PSD: variants seen among roughly 807,000 people sequenced by gnomAD.
The protein encoded by PSD is pleckstrin and Sec7 domain containing, also known as PH and SEC7 domain-containing protein 1.
Under a neutral mutation model 91.6 loss-of-function variants are expected in PSD, and 32 were observed. The ratio of observed to expected loss-of-function variants is 0.35; its 90% CI spans 0.26 to 0.47. The LOEUF (loss-of-function observed/expected upper bound fraction) is 0.47, where lower values mean the gene tolerates loss of function less well. PSD is among the 20% of genes least tolerant of loss of function. The pLI is 1.00. For synonymous variants in PSD, 532 were observed against 569.3 expected (o/e 0.93, Z 0.93); for missense variants, 1,099 against 1,373.9 (o/e 0.80, Z 3.16).
At chr10:102,413,677 A>C in intron 5 of PSD, 92 bp downstream of exon 5, 1 of 1,354,340 alleles carries the variant, frequency 7.4e-7, no homozygotes, top group South Asian at 1.4e-5. Context: ...CAGGAATATA[A>C]ACCAATCCTC....
rs1589887924 is a variant in PSD, at chr10:102,410,755, T to G, written c.2091+103A>C. 1.6e-5 allele frequency: 14 copies of G among 901,736 alleles called. No individual in the cohort carries two copies. Among genetic ancestry groups the G allele is most frequent in the South Asian group, 1.4e-5 (1 of 70,130 alleles). 55.9% of individuals were successfully genotyped at this position (901,736 alleles called of 1,614,324 possible). ...GGGCTTCCGTGGCAGGAGCCGGGGG[T>G]CGGCAAGCCCCAGCCCTGCCCTCCC... On this transcript the variant is annotated intron_variant, in intron 10 of 16. Coordinates refer to ENST00000020673, the MANE Select transcript of PSD (RefSeq NM_002779.5). The surrounding 1 kb of genome is among the most constrained non-coding windows in gnomAD (Gnocchi z 6.0).
chr10:102,415,044 T>C lies in PSD; in HGVS notation c.943A>G (p.Ile315Val). Reference protein sequence around the residue: ...LAEREEADSAIESQPSSEGPP... With the variant: ...LAEREEADSAVESQPSSEGPP... ...CCCTCAGAGCTGGGCTGACTTTCGA[T>C]GGCCGAGTCGGCCTCCTCCCGCTCA... Residue 315 changes from isoleucine (I) to valine (V), a missense_variant, in exon 4 of 17, where the codon ATC becomes GTC. Ile to Val is a conservative substitution (Grantham distance 29, BLOSUM62 3). Around this residue, in one of 3 missense-constraint regions of PSD, gnomAD observed 631 missense variants for 728.8 expected, o/e 0.87. Coordinates refer to ENST00000020673, the MANE Select transcript of PSD (RefSeq NM_002779.5). 1 of 1,613,916 alleles carries C rather than the reference T, an allele frequency of 6.2e-7. No individual in the cohort carries two copies. Among genetic ancestry groups the C allele is most frequent in the East Asian group, 2.2e-5 (1 of 44,888 alleles).
Position 102,402,819 on chromosome 10 carries a change from C to T in PSD, c.*381G>A, listed in dbSNP as rs2061294456. The stretch of plus-strand genomic sequence containing the variant: ...CCAGCTCAGCCCCAAATCCTGGTCT[C>T]TGTCCAAGCCAGGCCCCAGGACAGA... On this transcript the variant is annotated 3_prime_UTR_variant, in exon 17 of 17. Coordinates refer to ENST00000020673, the MANE Select transcript of PSD (RefSeq NM_002779.5). 4.0e-6 allele frequency: 1 copy of T among 247,098 alleles called. No individual in the cohort carries two copies. 15.3% of individuals were successfully genotyped at this position (247,098 alleles called of 1,614,324 possible).
In PSD at chr10:102,414,830, T is replaced by TCTCCCACTTCCCC. The variant is rs780270442; in HGVS notation, c.1124+20_1124+32dup. ...AGTGCGAAGGAGCAAGCCGCTTCCC[T>TCTCCCACTTCCCC]CTCCCACTTCCCCCTCCCACTTCCC... On this transcript the variant is annotated intron_variant, in intron 4 of 16. Transcript: ENST00000020673. This position sits in a 1 kb window ranked among gnomAD's most constrained non-coding sequence, Gnocchi z 5.6. 12 of 1,486,118 alleles carry TCTCCCACTTCCCC rather than the reference T, an allele frequency of 8.1e-6. No homozygotes were observed. In the East Asian group the frequency reaches 1.1e-4, roughly 14 times the overall value. 92.1% of individuals were successfully genotyped at this position (1,486,118 alleles called of 1,614,324 possible).
rs745631653 is a variant in PSD, at chr10:102,416,153, A to T, written c.655-34T>A. The T allele has an allele frequency of 2.6e-6, 4 of 1,512,462 alleles. No individual in the cohort carries two copies. The highest frequency in any genetic ancestry group is 3.7e-6 in the Non-Finnish European group (4 of 1,094,202). 93.7% of individuals were successfully genotyped at this position (1,512,462 alleles called of 1,614,324 possible). ...ACGAGGGAGACACAGGCACCCAGAG[A>T]TAAAGCCAGACATACAAGGACACAA... On this transcript the variant is annotated intron_variant, in intron 2 of 16. Coordinates refer to ENST00000020673, the MANE Select transcript of PSD (RefSeq NM_002779.5). The surrounding 1 kb of genome is among the most constrained non-coding windows in gnomAD (Gnocchi z 6.0).
In PSD at chr10:102,403,414, G is replaced by A; in HGVS notation, c.2861C>T (p.Thr954Ile). The A allele has an allele frequency of 1.9e-6, 3 of 1,609,826 alleles. No individual in the cohort carries two copies. Among genetic ancestry groups the A allele is most frequent in the Non-Finnish European group, 2.5e-6 (3 of 1,178,552 alleles). The change falls in exon 17 of 17, where the codon ACC (threonine) becomes ATC (isoleucine). Residue 954 changes from threonine to isoleucine, a missense_variant. Transcript: ENST00000020673. The surrounding 1 kb of genome is among the most constrained non-coding windows in gnomAD (Gnocchi z 6.7). Reference sequence around the variant, plus strand: ...CTTGACCCGAAGCAGCGCTGCATAGGTGCTGTAGCGGGATTTCTGAGGCAG... The same window carrying A: ...CTTGACCCGAAGCAGCGCTGCATAGATGCTGTAGCGGGATTTCTGAGGCAG... ...YLEFEKSRYS[T>I]YAALLRVKLK...
In PSD at chr10:102,405,053, C is replaced by T. The variant is rs1181680557; in HGVS notation, c.2400G>A (p.Glu800=). 2 of 1,613,894 alleles carry T rather than the reference C, an allele frequency of 1.2e-6. No individual in the cohort carries two copies. The highest frequency in any genetic ancestry group is 1.7e-6 in the Non-Finnish European group (2 of 1,179,882). The part of the protein sequence containing the change: ...LKGMILYLQK[E]EYKPGKALSE... ...AAAGGGCCTTCCCAGGCTTGTACTC[C>T]TCCTGCAGGGGTGTCCATCTTGTCC... Residue 800 remains glutamate (E), a splice_region_variant and synonymous_variant, in exon 14 of 17, where the codon GAG becomes GAA. Transcript: ENST00000020673. The surrounding 1 kb of genome is among the most constrained non-coding windows in gnomAD (Gnocchi z 5.4).
chr10:102,409,235 G>A lies in PSD; in HGVS notation c.2091+1623C>T. 1 of 984,224 alleles carries A rather than the reference G, an allele frequency of 1.0e-6. No individual in the cohort carries two copies. Among genetic ancestry groups the A allele is most frequent in the South Asian group, 4.6e-5 (1 of 21,860 alleles). The allele number at this position is 984,224 out of a possible 1,614,324, so 61.0% of individuals were successfully genotyped here. On this transcript the variant is annotated intron_variant, in intron 10 of 16. Coordinates refer to ENST00000020673, the MANE Select transcript of PSD (RefSeq NM_002779.5). The surrounding 1 kb of genome is among the most constrained non-coding windows in gnomAD (Gnocchi z 5.7). ...GGCCCGAGCCGGCCCGGCTCTCACGGACGCACGGAGTGCGCGGCGGCGGCG... is the reference window on the plus strand; with the variant it reads ...GGCCCGAGCCGGCCCGGCTCTCACGAACGCACGGAGTGCGCGGCGGCGGCG...
In PSD at chr10:102,405,302, C is replaced by T. The variant is rs1410155586; in HGVS notation, c.2326+44G>A. ...GGGGGCCCTGGAACAGGCCCACTCC[C>T]ATCCATCCCCTAGACGCCCGCCCCC... On this transcript the variant is annotated intron_variant, in intron 12 of 16. Coordinates refer to ENST00000020673, the MANE Select transcript of PSD (RefSeq NM_002779.5). This position sits in a 1 kb window ranked among gnomAD's most constrained non-coding sequence, Gnocchi z 5.4. 2 of 1,608,556 alleles carry T rather than the reference C, an allele frequency of 1.2e-6. No homozygotes were observed. Among genetic ancestry groups the T allele is most frequent in the Admixed American group, 1.7e-5 (1 of 59,982 alleles).
chr10:102,418,106 A>G (rs2061506119), intron 1 of PSD, among the ~76,000 whole-genome samples: 1 of 150,900 alleles, frequency 6.6e-6, no homozygotes, highest in Admixed American at 6.6e-5. Context: ...CACATACATA[A>G]GGACAAATAT....
At chr10:102,412,122 T>G (rs1193985602) in intron 7 of PSD, 25 bp downstream of exon 7, 1 of 1,608,918 alleles carries the variant, frequency 6.2e-7, no homozygotes. Flanking sequence ...GAGTGGGGGC[T>G]GTCCTCCAAG....
Position 102,411,133 on chromosome 10 carries a change from T to G in PSD, c.1943-17A>C. On this transcript the variant is annotated splice_polypyrimidine_tract_variant and intron_variant, in intron 8 of 16. Transcript: ENST00000020673. ...GGGCGCCGTCTAGGGGAGAGCTGAC[T>G]TTCAGCCTTGGCTGCCTCCCAGGGA... 6.3e-7 allele frequency: 1 copy of G among 1,594,590 alleles called. No homozygotes were observed. Among genetic ancestry groups the G allele is most frequent in the Non-Finnish European group, 8.6e-7 (1 of 1,167,006 alleles).
rs2061337348 is a variant in PSD, at chr10:102,404,504, CGCA to C, written c.2700+76_2700+78del. ...TGCAGGGGACATCTCCACGATCACA[CGCA>C]GCAGCCTTGAGTGCAGTGGGCCTGA... On this transcript the variant is annotated intron_variant, in intron 15 of 16. Transcript: ENST00000020673. This position sits in a 1 kb window ranked among gnomAD's most constrained non-coding sequence, Gnocchi z 5.7. 1 of 1,507,644 alleles carries C rather than the reference CGCA, an allele frequency of 6.6e-7. No individual in the cohort carries two copies. Among genetic ancestry groups the C allele is most frequent in the Non-Finnish European group, 8.9e-7 (1 of 1,118,164 alleles). The allele number at this position is 1,507,644 out of a possible 1,614,324, so 93.4% of individuals were successfully genotyped here.
At chr10:102,412,611 G>C (rs1026848563) in intron 5 of PSD, 36 bp from the exon 6 acceptor site, 3 of 1,576,166 alleles carry the variant, frequency 1.9e-6, no homozygotes, top group Non-Finnish European at 2.6e-6. Flanking sequence ...GCTGGGGCAG[G>C]GTCCTTAGGA....
chr10:102,414,788 G>C lies in PSD; in HGVS notation c.1124+75C>G. On this transcript the variant is annotated intron_variant, in intron 4 of 16. Coordinates refer to ENST00000020673, the MANE Select transcript of PSD (RefSeq NM_002779.5). This position sits in a 1 kb window ranked among gnomAD's most constrained non-coding sequence, Gnocchi z 5.6. ...TCTCTATCCCAGGCCCTTTGAGCCC[G>C]GCTCTGCCTGTGGGCCAGTGCGAAG... 1 of 1,463,066 alleles carries C rather than the reference G, an allele frequency of 6.8e-7. No individual in the cohort carries two copies. Among genetic ancestry groups the C allele is most frequent in the Non-Finnish European group, 9.0e-7 (1 of 1,109,600 alleles). 90.6% of individuals were successfully genotyped at this position (1,463,066 alleles called of 1,614,324 possible). A position where few individuals can be genotyped will look rare whatever the true frequency, so the allele number is the denominator to read the frequency against.
chr10:102,415,331 G>A (rs2061466906), intron 3 of PSD, 102 bp from the exon 4 acceptor site: 1 of 1,356,784 alleles, frequency 7.4e-7, no homozygotes, highest in East Asian at 2.4e-5. Flanking sequence ...TTGACAGGAA[G>A]TTCTTTCACT....
chr10:102,419,026 G>A (rs966656373), upstream of PSD: 7 of 317,462 alleles, frequency 2.2e-5, no homozygotes, highest in Non-Finnish European at 3.2e-5. The surrounding 1 kb of genome is among the most constrained non-coding windows in gnomAD (Gnocchi z 4.8). Flanking sequence ...CACCCCACTT[G>A]TGTCCACGTC....
At chr10:102,408,303 C>T (rs2061385308) in intron 10 of PSD, among the ~76,000 whole-genome samples, 1 of 152,220 alleles carries the variant, frequency 6.6e-6, no homozygotes, top group Non-Finnish European at 1.5e-5. Flanking sequence ...CAGTCTCTGA[C>T]TCTCTCACTG....
chr10:102,406,011 A>G lies in PSD; in HGVS notation c.2136-475T>C, dbSNP rs1449604664. ...GGCTCAGTCAGATACAAAATTTCGG[A>G]TTCTATCTTGTCACTCCCTTGCTCA... is the stretch of plus-strand genomic sequence containing the variant. On this transcript the variant is annotated intron_variant, in intron 11 of 16. Coordinates refer to ENST00000020673, the MANE Select transcript of PSD (RefSeq NM_002779.5). 1.9e-5 allele frequency: 3 copies of G among 159,284 alleles called. 1 individual carries two copies. Among genetic ancestry groups the G allele is most frequent in the African/African-American group, 4.8e-5 (2 of 41,512 alleles). 9.9% of individuals were successfully genotyped at this position (159,284 alleles called of 1,614,324 possible). A position where few individuals can be genotyped will look rare whatever the true frequency, so the allele number is the denominator to read the frequency against.
Sources: gnomAD v4.1 joint callset for allele counts (sites outside exome capture counted in the v4.1 genomes callset) on GRCh38, gnomAD v4.1.1 for gene constraint, gnomAD v4.1.1 regional missense constraint, Gnocchi (gnomAD v3.1) non-coding constraint, MANE v1.5 for transcripts, NCBI Gene and HGNC (gene_info 2026-07-23, HGNC 2026-07-21) for gene names.